Variants in ATP8A2 observed in about 807,000 individuals in gnomAD.
ATP8A2 encodes ATPase phospholipid transporting 8A2, also known as phospholipid-transporting ATPase IB.
In ATP8A2, 100 loss-of-function variants were observed where a neutral mutation model predicts 165.6. That is an observed-to-expected ratio of 0.60 (90% CI 0.51 to 0.71). ATP8A2 has a LOEUF of 0.71. Among genes scored for constraint, ATP8A2 ranks in the 30% least tolerant of loss-of-function variants. The pLI is 0.00. For synonymous variants in ATP8A2, 543 were observed against 548.8 expected (o/e 0.99, Z 0.15); for missense variants, 1,227 against 1,479.5 (o/e 0.83, Z 2.80).
At chr13:25,645,576 T>G (rs980242811) in intron 24 of ATP8A2, among the ~76,000 whole-genome samples, 2 of 152,226 alleles carry the variant, frequency 1.3e-5, no homozygotes, top group African/African-American at 4.8e-5. Flanking sequence ...CTCTTGCAAC[T>G]GTTTTTGCTG....
At chr13:25,796,786 C>G (rs1177620088) in intron 27 of ATP8A2, among the ~76,000 whole-genome samples, 3 of 152,068 alleles carry the variant, frequency 2.0e-5, no homozygotes, top group Admixed American at 1.3e-4. Flanking sequence ...ACATTGTAGC[C>G]AAGAACAGTG....
chr13:25,414,921 G>A (rs1284424318), intron 1 of ATP8A2, among the ~76,000 whole-genome samples: 4 of 152,160 alleles, frequency 2.6e-5, no homozygotes, highest in African/African-American at 9.7e-5. Flanking sequence ...GTGGCACAGG[G>A]TCATGCAGAG....
At chr13:25,465,723 CTTTCTT>C (rs2035636391) in intron 1 of ATP8A2, among the ~76,000 whole-genome samples, 1 of 47,396 alleles carries the variant, frequency 2.1e-5, no homozygotes, top group African/African-American at 8.3e-5. Context: ...TTCTTTCTTT[CTTTCTT>C]TCTTTCTTTC....
intron 27 of ATP8A2, among the ~76,000 whole-genome samples, chr13:25,789,695 A>G (rs924312627): frequency 1.3e-5 from 2 of 152,240 alleles, no homozygotes; most frequent in Non-Finnish European, 1.5e-5. Flanking sequence ...TCAAACGACA[A>G]GTGACATTCT....
chr13:25,596,830 A>G (rs544737279), intron 24 of ATP8A2, among the ~76,000 whole-genome samples: 11 of 152,346 alleles, frequency 7.2e-5, no homozygotes, highest in Admixed American at 1.3e-4. Context: ...GTTTAGCTTT[A>G]TAAGAAATTG....
chr13:25,580,085 CA>C, intron 22 of ATP8A2, 138 bp downstream of exon 22: 2 of 1,036,078 alleles, frequency 1.9e-6, no homozygotes, highest in Non-Finnish European at 2.7e-6. Context: ...AGCTCTGAAT[CA>C]TTTTCTTTGC....
chr13:25,643,611 A>G (rs562140300), intron 24 of ATP8A2, among the ~76,000 whole-genome samples: 7 of 151,812 alleles, frequency 4.6e-5, no homozygotes, highest in African/African-American at 7.3e-5. Context: ...TGGGCCTTCT[A>G]TTGGTGAGTC....
At chr13:25,929,731 C>T (rs1243973405) in intron 33 of ATP8A2, among the ~76,000 whole-genome samples, 1 of 151,962 alleles carries the variant, frequency 6.6e-6, no homozygotes, top group Non-Finnish European at 1.5e-5. Context: ...CGCTGCACCT[C>T]GACAATGGCT....
At chr13:25,646,654 CA>C (rs71186893) in intron 24 of ATP8A2, among the ~76,000 whole-genome samples, 170 of 8,002 alleles carry the variant, frequency 0.021, 1 homozygote, top group South Asian at 0.13. Flanking sequence ...GACTCCATCT[CA>C]AAAAAAAAAA....
At chr13:25,986,486 C>A (rs116999943) in intron 35 of ATP8A2, among the ~76,000 whole-genome samples, 18 of 152,226 alleles carry the variant, frequency 1.2e-4, no homozygotes, top group African/African-American at 3.4e-4. Flanking sequence ...TGGCTTATTT[C>A]ACCTAATGTG....
chr13:25,837,271 G>T lies in ATP8A2; in HGVS notation c.2863G>T (p.Gly955Cys). Residue 955 changes from glycine to cysteine, a missense_variant, in exon 29 of 37, where the codon GGC becomes TGC. Transcript: ENST00000381655. ...CTACAAAATCACCCAGAATGGCGAA[G>T]GCTTCAACACAAAGGTAAACAGAGT... ...QLYKITQNGE[G>C]FNTKVFWGHC... 6.2e-7 allele frequency: 1 copy of T among 1,614,084 alleles called. No homozygotes were observed. Among genetic ancestry groups the T allele is most frequent in the South Asian group, 1.1e-5 (1 of 91,080 alleles).
chr13:25,605,332 C>A (rs1033495159), intron 24 of ATP8A2, among the ~76,000 whole-genome samples: 17 of 152,198 alleles, frequency 1.1e-4, no homozygotes, highest in African/African-American at 3.9e-4. Flanking sequence ...AGCCATCAAG[C>A]TTTGTTCTGA....
At chr13:25,525,829 A>T (rs1026111950) in intron 2 of ATP8A2, among the ~76,000 whole-genome samples, 3 of 152,060 alleles carry the variant, frequency 2.0e-5, no homozygotes, top group African/African-American at 7.2e-5. Context: ...ACATTCCTGT[A>T]CCTGGATGTT....
At chr13:25,692,761 G>A (rs1017168690) in intron 24 of ATP8A2, among the ~76,000 whole-genome samples, 1 of 152,130 alleles carries the variant, frequency 6.6e-6, no homozygotes, top group African/African-American at 2.4e-5. Context: ...TTATAAACTG[G>A]GAATGCAAAG....
At chr13:25,643,237 A>G (rs2041581859) in intron 24 of ATP8A2, among the ~76,000 whole-genome samples, 1 of 152,070 alleles carries the variant, frequency 6.6e-6, no homozygotes, top group Non-Finnish European at 1.5e-5. Context: ...GAATATTGTG[A>G]TCCTCTGGTT....
intron 24 of ATP8A2, among the ~76,000 whole-genome samples, chr13:25,626,640 A>G (rs1285996971): frequency 6.6e-6 from 1 of 152,174 alleles, no homozygotes; most frequent in Non-Finnish European, 1.5e-5. Flanking sequence ...ATTGAAAGAT[A>G]AGTAAGAGGA....
intron 1 of ATP8A2, among the ~76,000 whole-genome samples, chr13:25,449,219 A>G (rs1336143402): frequency 6.6e-6 from 1 of 152,088 alleles, no homozygotes; most frequent in Non-Finnish European, 1.5e-5. Flanking sequence ...TCTTTATTTT[A>G]GACCTTTCTA....
intron 24 of ATP8A2, among the ~76,000 whole-genome samples, chr13:25,592,437 A>G (rs185870309): frequency 1.3e-5 from 2 of 152,360 alleles, no homozygotes; most frequent in African/African-American, 2.4e-5. Flanking sequence ...CTGATGAGAT[A>G]GTGGCTACAG....
intron 24 of ATP8A2, among the ~76,000 whole-genome samples, chr13:25,693,136 G>A (rs184319961): frequency 3.9e-5 from 6 of 152,208 alleles, no homozygotes. Flanking sequence ...GACTAAATAG[G>A]CATTAACTGG....
Sources: allele counts gnomAD v4.1 joint callset (sites outside exome capture counted in the v4.1 genomes callset), GRCh38; gene constraint gnomAD v4.1.1; transcripts MANE v1.5; gene names NCBI Gene and HGNC (gene_info 2026-07-23, HGNC 2026-07-21).